The following SH3GL2 variants were observed in gnomAD, a reference collection of about 807,000 sequenced individuals.
The protein encoded by SH3GL2 is endophilin-A1.
A neutral mutation model predicts 46.0 loss-of-function variants in SH3GL2; 24 were observed. The ratio of observed to expected loss-of-function variants is 0.52; its 90% CI spans 0.38 to 0.73. The LOEUF (loss-of-function observed/expected upper bound fraction) is 0.73, where lower values mean the gene tolerates loss of function less well. Ranked by LOEUF, SH3GL2 falls within the 30% of genes least tolerant of loss-of-function variation. The pLI, the probability that SH3GL2 is intolerant of heterozygous loss-of-function variation, is 0.00. For missense variants in SH3GL2, 413 were observed against 424.2 expected, an observed-to-expected ratio of 0.97 and a Z score of 0.23; for synonymous variants, 196 against 147.1, an observed-to-expected ratio of 1.33 and a Z score of -2.40.
At chr9:17,601,681 G>A (rs895630050) in intron 1 of SH3GL2, among the ~76,000 whole-genome samples, 3 of 152,154 alleles carry the variant, frequency 2.0e-5, no homozygotes, top group Non-Finnish European at 4.4e-5. Context: ...GCCAGTGAGT[G>A]GTTCAATAAC....
intron 1 of SH3GL2, among the ~76,000 whole-genome samples, chr9:17,639,043 T>A (rs183682933): frequency 6.6e-5 from 10 of 152,334 alleles, no homozygotes; most frequent in Admixed American, 2.0e-4. Flanking sequence ...TAGCCAAGTG[T>A]AATGTATGTA....
chr9:17,670,703 T>G (rs1166565870), intron 1 of SH3GL2, among the ~76,000 whole-genome samples: 8 of 152,248 alleles, frequency 5.3e-5, no homozygotes, highest in Non-Finnish European at 8.8e-5. Context: ...TATGTCGCAT[T>G]TGCTTGCACC....
chr9:17,761,064 ATTCT>A (rs1380498534), intron 2 of SH3GL2, among the ~76,000 whole-genome samples: 1 of 152,230 alleles, frequency 6.6e-6, no homozygotes, highest in Non-Finnish European at 1.5e-5. Context: ...ATGCTGCATG[ATTCT>A]TTCTTGAGGG....
chr9:17,729,841 C>T (rs191366247), intron 1 of SH3GL2, among the ~76,000 whole-genome samples: 9 of 152,084 alleles, frequency 5.9e-5, no homozygotes, highest in Non-Finnish European at 1.3e-4. Context: ...GTATGAGTAC[C>T]ATGCTGTTTT....
At chr9:17,693,980 A>G (rs7854984) in intron 1 of SH3GL2, among the ~76,000 whole-genome samples, 3,845 of 152,282 alleles carry the variant, frequency 0.025, 164 homozygotes, top group African/African-American at 0.088. Flanking sequence ...AGTGTACGCT[A>G]TATTTTATTT....
intron 3 of SH3GL2, among the ~76,000 whole-genome samples, chr9:17,766,171 A>G (rs1823312053): frequency 6.6e-6 from 1 of 152,220 alleles, no homozygotes; most frequent in African/African-American, 2.4e-5. Context: ...CTTCACAGCT[A>G]ATTCCTCCTG....
chr9:17,723,656 G>A (rs1376190324), intron 1 of SH3GL2, among the ~76,000 whole-genome samples: 1 of 152,078 alleles, frequency 6.6e-6, no homozygotes, highest in African/African-American at 2.4e-5. Flanking sequence ...TCATGACTCT[G>A]TCTCAGAATT....
intron 1 of SH3GL2, among the ~76,000 whole-genome samples, chr9:17,684,316 C>G (rs1033331768): frequency 6.6e-6 from 1 of 151,936 alleles, no homozygotes; most frequent in African/African-American, 2.4e-5. Context: ...CTTTTGATAC[C>G]TCCTTGGTAG....
intron 2 of SH3GL2, among the ~76,000 whole-genome samples, chr9:17,760,036 C>T (rs1208413334): frequency 6.6e-6 from 1 of 152,098 alleles, no homozygotes; most frequent in Non-Finnish European, 1.5e-5. Flanking sequence ...ATACTAGGAC[C>T]TTCACATATG....
chr9:17,785,893 T>C (rs1823942711), intron 3 of SH3GL2, among the ~76,000 whole-genome samples: 1 of 152,196 alleles, frequency 6.6e-6, no homozygotes, highest in Non-Finnish European at 1.5e-5. Flanking sequence ...TCATACATGG[T>C]ATAAGTGAAA....
chr9:17,776,831 A>T (rs1175428406), intron 3 of SH3GL2, among the ~76,000 whole-genome samples: 2 of 152,144 alleles, frequency 1.3e-5, no homozygotes, highest in Admixed American at 1.3e-4. Context: ...TTGTAGCATG[A>T]GCCAGTTTCT....
At chr9:17,623,901 T>A (rs939273773) in intron 1 of SH3GL2, among the ~76,000 whole-genome samples, 1 of 152,208 alleles carries the variant, frequency 6.6e-6, no homozygotes, top group Non-Finnish European at 1.5e-5. Context: ...TGATACAATT[T>A]AAAAAATCAG....
intron 1 of SH3GL2, chr9:17,653,794 C>T: frequency 2.9e-6 from 2 of 695,112 alleles, no homozygotes; most frequent in Non-Finnish European, 1.8e-6. Flanking sequence ...TTGAGGGTGG[C>T]TGAATTGGGC....
At chr9:17,692,191 T>C (rs1821097444) in intron 1 of SH3GL2, among the ~76,000 whole-genome samples, 1 of 152,024 alleles carries the variant, frequency 6.6e-6, no homozygotes, top group Non-Finnish European at 1.5e-5. Context: ...GTGCTTGCTA[T>C]GTATGGATAT....
At chr9:17,724,338 A>G (rs1015694773) in intron 1 of SH3GL2, among the ~76,000 whole-genome samples, 6 of 152,056 alleles carry the variant, frequency 3.9e-5, no homozygotes, top group Non-Finnish European at 7.4e-5. Flanking sequence ...TTAGAAAATA[A>G]TTTGTGTTTG....
chr9:17,703,078 A>G (rs57185575), intron 1 of SH3GL2, among the ~76,000 whole-genome samples: 1 of 152,000 alleles, frequency 6.6e-6, no homozygotes, highest in Non-Finnish European at 1.5e-5. Context: ...CACATCAGAC[A>G]TTGTCAGGAC....
intron 1 of SH3GL2, among the ~76,000 whole-genome samples, chr9:17,706,266 C>T (rs1225691063): frequency 6.6e-6 from 1 of 152,064 alleles, no homozygotes; most frequent in Non-Finnish European, 1.5e-5. Context: ...ATACTTCTTC[C>T]TTTCATACCT....
intron 1 of SH3GL2, among the ~76,000 whole-genome samples, chr9:17,677,387 T>C (rs1436996990): frequency 6.6e-6 from 1 of 152,114 alleles, no homozygotes; most frequent in Admixed American, 6.5e-5. Flanking sequence ...ATATTAATTT[T>C]AGAGTGGATG....
At chr9:17,699,996 T>C (rs1821305917) in intron 1 of SH3GL2, among the ~76,000 whole-genome samples, 1 of 151,522 alleles carries the variant, frequency 6.6e-6, no homozygotes, top group Non-Finnish European at 1.5e-5. Flanking sequence ...CAGTTTACAT[T>C]CCTGAGAGTG....
Sources: gnomAD v4.1 joint callset for allele counts (sites outside exome capture counted in the v4.1 genomes callset) on GRCh38, gnomAD v4.1.1 for gene constraint, MANE v1.5 for transcripts, NCBI Gene and HGNC (gene_info 2026-07-23, HGNC 2026-07-21) for gene names.